AZIN2: variants seen among roughly 807,000 people sequenced by gnomAD.
The protein encoded by AZIN2 is antizyme inhibitor 2.
Under a neutral mutation model 47.8 loss-of-function variants are expected in AZIN2, and 28 were observed. The ratio of observed to expected loss-of-function variants is 0.59; its 90% CI spans 0.43 to 0.80. The LOEUF is 0.80. Ranked by LOEUF, AZIN2 falls within the 30% of genes least tolerant of loss-of-function variation. AZIN2 has a pLI of 0.00. For missense variants in AZIN2, 535 were observed against 582.5 expected (o/e 0.92, Z 0.84); for synonymous variants, 221 against 239.4 (o/e 0.92, Z 0.71).
At chr1:33,147,288 G>T in the AZIN2 span, 1 of 1,614,098 alleles carries the variant, frequency 6.2e-7, no homozygotes, top group Non-Finnish European at 8.5e-7. The surrounding 1 kb of genome is among the most constrained non-coding windows in gnomAD (Gnocchi z 8.1). Context: ...CGCGGAAGGT[G>T]TAGAGCCAGG....
chr1:33,119,423 C>A (rs1644713694), intron 11 of AZIN2: 2 of 157,234 alleles, frequency 1.3e-5, no homozygotes, highest in Admixed American at 1.2e-4. Flanking sequence ...GGGATGGAGA[C>A]CATGGGGCAC....
the AZIN2 span, among the ~76,000 whole-genome samples, chr1:33,144,496 A>G: frequency 6.6e-6 from 1 of 152,112 alleles, no homozygotes; most frequent in Admixed American, 6.6e-5. Context: ...AACCTCCACC[A>G]CCTGTATATA....
At chr1:33,153,354 C>G in the AZIN2 span, among the ~76,000 whole-genome samples, 25 of 152,196 alleles carry the variant, frequency 1.6e-4, no homozygotes, top group Admixed American at 2.6e-4. Context: ...TCTGTTCCTC[C>G]CTCAGCTCCT....
rs1308467140 is a variant in AZIN2, at chr1:33,117,612, AT to A, written c.1030-289del. 2.6e-5 allele frequency among the ~76,000 whole-genome samples: 4 copies of A among 152,310 alleles called. No homozygotes were observed. The East Asian group carries it at 7.7e-4, about 29-fold the overall frequency. On this transcript the variant is annotated intron_variant, in intron 10 of 11. Transcript: ENST00000294517. ...ACCTTACGAGGTAGGTACTGTTGTT[AT>A]CCCCATTTTACAAATGAGCAAACTG... is the stretch of plus-strand genomic sequence containing the variant.
rs1312931948 is a variant in AZIN2 at position 33,120,243 on chromosome 1, G to A, written c.*61G>A. The A allele has an allele frequency of 1.9e-6, 3 of 1,542,448 alleles. No individual in the cohort carries two copies. The highest frequency in any genetic ancestry group is 2.6e-6 in the Non-Finnish European group (3 of 1,140,164). ...CCTCAGAGATGCATCTGGGAGAGGTGGGGAAGATGGCAGGCAAGGGTACCC... is the reference window on the plus strand; with the variant it reads ...CCTCAGAGATGCATCTGGGAGAGGTAGGGAAGATGGCAGGCAAGGGTACCC... On this transcript the variant is annotated 3_prime_UTR_variant, in exon 12 of 12. Transcript: ENST00000294517.
intron 10 of AZIN2, among the ~76,000 whole-genome samples, chr1:33,107,345 C>T (rs1390967787): frequency 1.1e-4 from 17 of 151,880 alleles, no homozygotes; most frequent in Non-Finnish European, 2.9e-5. Context: ...TTTGGGAGGC[C>T]GAGGCAGGCA....
chr1:33,109,151 C>T (rs964396248), intron 10 of AZIN2, among the ~76,000 whole-genome samples: 18 of 152,086 alleles, frequency 1.2e-4, no homozygotes, highest in East Asian at 7.7e-4. Context: ...TATTCTTTGG[C>T]GAAGTATCTG....
Position 33,089,936 on chromosome 1 carries a change from G to A in AZIN2, c.280-2114G>A, listed in dbSNP as rs182148133. Reference sequence around the variant, plus strand: ...TTCGTGGAGAGTCAGACTTGAGTTCGAAAGTTCGTTCTGCCACCTATTTTC... The same window carrying A: ...TTCGTGGAGAGTCAGACTTGAGTTCAAAAGTTCGTTCTGCCACCTATTTTC... On this transcript the variant is annotated intron_variant, in intron 5 of 11. Transcript: ENST00000294517. 8.5e-5 allele frequency among the ~76,000 whole-genome samples: 13 copies of A among 152,274 alleles called. No individual in the cohort carries two copies. The East Asian group carries it at 2.1e-3, about 25-fold the overall frequency.
chr1:33,086,358 G>A lies in AZIN2; in HGVS notation c.279+2231G>A, dbSNP rs144999085. Reference sequence around the variant, plus strand: ...TGCCTTGGACTCTGTTTTTTCCAAGGTGGCTGGGGAGAGGATGGCTGAGCT... The same window carrying A: ...TGCCTTGGACTCTGTTTTTTCCAAGATGGCTGGGGAGAGGATGGCTGAGCT... On this transcript the variant is annotated intron_variant, in intron 5 of 11. Coordinates refer to ENST00000294517, the MANE Select transcript of AZIN2 (RefSeq NM_052998.4). 2.0e-3 allele frequency among the ~76,000 whole-genome samples: 310 copies of A among 152,286 alleles called. 1 individual carries two copies. The highest frequency in any genetic ancestry group is 6.8e-3 in the African/African-American group (282 of 41,540).
At chr1:33,133,135 G>A in the AZIN2 span, among the ~76,000 whole-genome samples, 1 of 152,130 alleles carries the variant, frequency 6.6e-6, no homozygotes, top group Non-Finnish European at 1.5e-5. Context: ...GTCACTTACA[G>A]TTACAGTTAC....
the AZIN2 span, among the ~76,000 whole-genome samples, chr1:33,148,709 A>G: frequency 1.3e-5 from 2 of 152,224 alleles, no homozygotes; most frequent in African/African-American, 4.8e-5. Flanking sequence ...GAAATTGTGA[A>G]AAGGTTACAC....
chr1:33,124,559 T>C (rs934323275), downstream of AZIN2, among the ~76,000 whole-genome samples: 1 of 152,120 alleles, frequency 6.6e-6, no homozygotes, highest in Non-Finnish European at 1.5e-5. This position sits in a 1 kb window ranked among gnomAD's most constrained non-coding sequence, Gnocchi z 4.6. Context: ...CTAGGGTACA[T>C]GTGCACAACG....
chr1:33,117,801 A>G, intron 10 of AZIN2, 101 bp from the exon 11 acceptor site: 1 of 1,309,276 alleles, frequency 7.6e-7, no homozygotes, highest in Non-Finnish European at 1.1e-6. Flanking sequence ...TCTAGACTTT[A>G]TCCTGTTGGC....
chr1:33,146,223 A>G, the AZIN2 span: 1 of 229,838 alleles, frequency 4.4e-6, no homozygotes, highest in Non-Finnish European at 8.8e-6. Flanking sequence ...TAAACCAGCT[A>G]CAAGTGGCTC....
the AZIN2 span, chr1:33,145,867 A>G: frequency 2.1e-6 from 1 of 471,204 alleles, no homozygotes; most frequent in South Asian, 1.5e-5. Context: ...TTCTAGGGAA[A>G]TGACATTTCC....
chr1:33,092,133 C>T lies in AZIN2; in HGVS notation c.363C>T (p.Ile121=). Residue 121 remains isoleucine, a synonymous_variant, in exon 6 of 12, where the codon ATC becomes ATT. Transcript: ENST00000294517. ...ACCCCTGTAAGCAAATTGCACAGAT[C>T]AAATATGCTGCCAAGCATGGGATCC... ...CANPCKQIAQ[I]KYAAKHGIQL... 6.2e-7 allele frequency: 1 copy of T among 1,614,186 alleles called. No homozygotes were observed.
At chr1:33,135,493 G>A in the AZIN2 span, among the ~76,000 whole-genome samples, 3 of 152,102 alleles carry the variant, frequency 2.0e-5, no homozygotes, top group African/African-American at 7.2e-5. Flanking sequence ...CTATTATTTC[G>A]ACTCATTTCA....
chr1:33,130,076 C>T, the AZIN2 span, among the ~76,000 whole-genome samples: 2 of 152,270 alleles, frequency 1.3e-5, no homozygotes, highest in South Asian at 4.1e-4. Flanking sequence ...TCAGGCTAGT[C>T]TCAAACTCCT....
At chr1:33,150,594 C>T in the AZIN2 span, among the ~76,000 whole-genome samples, 2 of 152,158 alleles carry the variant, frequency 1.3e-5, no homozygotes, top group African/African-American at 4.8e-5. Context: ...ACATAGAAGA[C>T]GGGGAACCAA....
Sources: allele counts gnomAD v4.1 joint callset (sites outside exome capture counted in the v4.1 genomes callset), GRCh38; gene constraint gnomAD v4.1.1; non-coding constraint Gnocchi (gnomAD v3.1); transcripts MANE v1.5; gene names NCBI Gene and HGNC (gene_info 2026-07-23, HGNC 2026-07-21).